The following DPP6 variants were observed in gnomAD, a reference collection of about 807,000 sequenced individuals.
The protein encoded by DPP6 is dipeptidyl peptidase like 6, also known as A-type potassium channel modulatory protein DPP6.
A neutral mutation model predicts 122.6 loss-of-function variants in DPP6; 69 were observed. The observed-to-expected ratio is 0.56, with a 90% CI of 0.46 to 0.69. The LOEUF is 0.69. Among genes scored for constraint, DPP6 ranks in the 30% least tolerant of loss-of-function variants. The pLI is 0.00. For synonymous variants in DPP6, 418 were observed against 433.1 expected, an observed-to-expected ratio of 0.97 and a Z score of 0.43; for missense variants, 928 against 1,116.9, an observed-to-expected ratio of 0.83 and a Z score of 2.41.
At chr7:154,820,505 G>A (rs1374767438) in intron 16 of DPP6, among the ~76,000 whole-genome samples, 2 of 152,194 alleles carry the variant, frequency 1.3e-5, no homozygotes, top group Non-Finnish European at 2.9e-5. Context: ...TCACGCTGAC[G>A]TAAATGAATA....
chr7:154,227,298 C>T (rs1800668245), intron 1 of DPP6, among the ~76,000 whole-genome samples: 1 of 150,102 alleles, frequency 6.7e-6, no homozygotes, highest in South Asian at 2.1e-4. Flanking sequence ...CAAGGATGAA[C>T]CTAGAGGACA....
intron 5 of DPP6, among the ~76,000 whole-genome samples, chr7:154,577,983 T>A (rs1831793621): frequency 6.6e-6 from 1 of 152,236 alleles, no homozygotes; most frequent in South Asian, 2.1e-4. Flanking sequence ...TGTTGTGTGT[T>A]ACGACCAATT....
At chr7:154,843,178 T>C (rs1016698058) in intron 16 of DPP6, among the ~76,000 whole-genome samples, 2 of 152,206 alleles carry the variant, frequency 1.3e-5, no homozygotes, top group Admixed American at 1.3e-4. Flanking sequence ...GGCGCATGCC[T>C]GGAGTCCCAG....
At chr7:154,091,182 C>T (rs1308212601) in intron 1 of DPP6, among the ~76,000 whole-genome samples, 2 of 151,864 alleles carry the variant, frequency 1.3e-5, no homozygotes, top group South Asian at 2.1e-4. Flanking sequence ...CCTTTAGGTT[C>T]CCAGAAGAAC....
At chr7:154,108,535 A>C (rs10258388) in intron 1 of DPP6, among the ~76,000 whole-genome samples, 3 of 152,116 alleles carry the variant, frequency 2.0e-5, no homozygotes, top group African/African-American at 7.2e-5. Flanking sequence ...ATATCCTTCC[A>C]TGCCCCATGC....
At chr7:154,433,584 C>G (rs1818625277) in intron 1 of DPP6, among the ~76,000 whole-genome samples, 1 of 152,142 alleles carries the variant, frequency 6.6e-6, no homozygotes, top group African/African-American at 2.4e-5. Context: ...TTGACGTGCA[C>G]ACCCGGGGGT....
chr7:154,157,070 G>C (rs866548134), intron 1 of DPP6, among the ~76,000 whole-genome samples: 15 of 152,354 alleles, frequency 9.8e-5, no homozygotes, highest in African/African-American at 2.9e-4. Flanking sequence ...GATGTGTGAG[G>C]TTCTTTCAAA....
chr7:154,488,028 A>G (rs911257484), intron 3 of DPP6, among the ~76,000 whole-genome samples: 1 of 151,994 alleles, frequency 6.6e-6, no homozygotes, highest in African/African-American at 2.4e-5. Flanking sequence ...AGGTCACAGT[A>G]TCTGGGGTGG....
chr7:153,842,131 A>C, the DPP6 span, among the ~76,000 whole-genome samples: 1 of 152,224 alleles, frequency 6.6e-6, no homozygotes, highest in African/African-American at 2.4e-5. Context: ...AAACATATAT[A>C]TGTAAGTCTT....
At chr7:154,426,459 C>T (rs1198864609) in intron 1 of DPP6, among the ~76,000 whole-genome samples, 1 of 152,128 alleles carries the variant, frequency 6.6e-6, no homozygotes, top group African/African-American at 2.4e-5. Flanking sequence ...GAGATGACTT[C>T]AGAGGAGTTT....
chr7:154,127,587 G>C (rs1203098361), intron 1 of DPP6, among the ~76,000 whole-genome samples: 2 of 141,182 alleles, frequency 1.4e-5, no homozygotes, highest in African/African-American at 3.1e-5. Flanking sequence ...GGGTAAACAG[G>C]AGCAGCATCT....
At chr7:153,975,056 G>A (rs1410636959) in intron 1 of DPP6, among the ~76,000 whole-genome samples, 5 of 152,066 alleles carry the variant, frequency 3.3e-5, no homozygotes, top group African/African-American at 1.2e-4. Context: ...TCTTTACTTA[G>A]CAAATACTAA....
At chr7:153,976,101 A>G (rs373447484) in intron 1 of DPP6, among the ~76,000 whole-genome samples, 36 of 152,228 alleles carry the variant, frequency 2.4e-4, no homozygotes, top group African/African-American at 7.7e-4. Flanking sequence ...CTTGGACATG[A>G]ACTGGGAAGG....
rs144955929 is a variant in DPP6 at position 154,848,283 on chromosome 7, C to T, written c.1667-5497C>T. 1.1e-3 allele frequency among the ~76,000 whole-genome samples: 168 copies of T among 152,232 alleles called. 1 individual carries two copies. The highest frequency in any genetic ancestry group is 3.4e-3 in the Middle Eastern group (1 of 292). On this transcript the variant is annotated intron_variant, in intron 16 of 25. Coordinates refer to ENST00000377770, the MANE Select transcript of DPP6 (RefSeq NM_130797.4). ...TGAAATAGTTTTACTAATTTACCTT[C>T]CCCCCAGAGCATATAAAGGTTTCCT...
At chr7:154,835,352 C>T (rs965323515) in intron 16 of DPP6, among the ~76,000 whole-genome samples, 1 of 152,150 alleles carries the variant, frequency 6.6e-6, no homozygotes. Context: ...GCCCTGCCCC[C>T]ACCTTCATCT....
At chr7:154,596,480 C>T (rs1201645938) in intron 5 of DPP6, among the ~76,000 whole-genome samples, 1 of 152,164 alleles carries the variant, frequency 6.6e-6, no homozygotes, top group Non-Finnish European at 1.5e-5. Flanking sequence ...GAAAGGATTT[C>T]CACAAGTCTT....
At chr7:153,803,881 G>A in the DPP6 span, among the ~76,000 whole-genome samples, 38 of 148,250 alleles carry the variant, frequency 2.6e-4, no homozygotes, top group Admixed American at 2.7e-4. Flanking sequence ...AAGGATATAT[G>A]TACCTCTCCT....
chr7:154,107,500 A>G (rs1466087636), intron 1 of DPP6, among the ~76,000 whole-genome samples: 1 of 152,198 alleles, frequency 6.6e-6, no homozygotes, highest in Non-Finnish European at 1.5e-5. Flanking sequence ...GATCAATTGC[A>G]CAACATGGTG....
chr7:154,538,097 T>A (rs1012679888), intron 3 of DPP6, among the ~76,000 whole-genome samples: 7 of 152,028 alleles, frequency 4.6e-5, no homozygotes, highest in Non-Finnish European at 7.4e-5. Context: ...GATAAAACTG[T>A]TAAAAGTACC....
Sources: gnomAD v4.1 joint callset for allele counts (sites outside exome capture counted in the v4.1 genomes callset) on GRCh38, gnomAD v4.1.1 for gene constraint, MANE v1.5 for transcripts, NCBI Gene and HGNC (gene_info 2026-07-23, HGNC 2026-07-21) for gene names.